Variants in DOK6 observed in about 807,000 individuals in gnomAD.
DOK6 encodes downstream of tyrosine kinase 6.
In DOK6, 22 loss-of-function variants were observed where a neutral mutation model predicts 44.0. The ratio of observed to expected loss-of-function variants is 0.50; its 90% CI spans 0.36 to 0.71. DOK6 has a LOEUF of 0.71. DOK6 is among the 30% of genes least tolerant of loss of function. The pLI is 0.00. For missense variants in DOK6, 340 were observed against 416.4 expected (o/e 0.82, Z 1.60); for synonymous variants, 166 against 145.5 (o/e 1.14, Z -1.01).
At position 69,557,529 on chromosome 18, in the gene DOK6, G is replaced by A. The variant is rs75556029; in HGVS notation, c.67-6958G>A. On this transcript the variant is annotated intron_variant, in intron 1 of 7. Coordinates refer to ENST00000382713, the MANE Select transcript of DOK6 (RefSeq NM_152721.6). The stretch of plus-strand genomic sequence containing the variant: ...CTATGCGGTAAAATGGTTTTCATCA[G>A]ATGGAAGGGGATTAAGAAGGTATTT... Among the ~76,000 whole-genome samples the A allele has an allele frequency of 7.3e-3, 1,112 of 152,250 alleles. 24 individuals are homozygous for A. Among genetic ancestry groups the A allele is most frequent in the East Asian group, 0.068 (352 of 5,176 alleles).
intron 1 of DOK6, among the ~76,000 whole-genome samples, chr18:69,514,687 C>G (rs1981466860): frequency 6.6e-6 from 1 of 150,848 alleles, no homozygotes; most frequent in Non-Finnish European, 1.5e-5. Flanking sequence ...CCACATCTTT[C>G]ATCTAAACAA....
At chr18:69,593,503 GA>G (rs1983669282) in intron 2 of DOK6, among the ~76,000 whole-genome samples, 1 of 152,104 alleles carries the variant, frequency 6.6e-6, no homozygotes. Context: ...GATCAACAAT[GA>G]AAAACCTTGC....
chr18:69,433,958 C>T (rs1978877729), intron 1 of DOK6, among the ~76,000 whole-genome samples: 1 of 152,188 alleles, frequency 6.6e-6, no homozygotes, highest in Non-Finnish European at 1.5e-5. Context: ...ACTACATGTA[C>T]TAACTTTATA....
chr18:69,758,851 G>GT (rs1979447117), intron 7 of DOK6, among the ~76,000 whole-genome samples: 1 of 152,116 alleles, frequency 6.6e-6, no homozygotes, highest in South Asian at 2.1e-4. Flanking sequence ...TAACAATGCT[G>GT]TAAGTTTTGA....
intron 1 of DOK6, among the ~76,000 whole-genome samples, chr18:69,538,814 T>TTCC (rs980247381): frequency 3.9e-5 from 6 of 152,082 alleles, no homozygotes; most frequent in African/African-American, 1.4e-4. Context: ...AATGTCAACC[T>TTCC]TCCTCCTCCT....
At chr18:69,754,972 G>A (rs764588283) in intron 6 of DOK6, among the ~76,000 whole-genome samples, 1 of 152,126 alleles carries the variant, frequency 6.6e-6, no homozygotes, top group Non-Finnish European at 1.5e-5. Context: ...TTAGACATCT[G>A]AGAAATGGGG....
chr18:69,788,120 A>C (rs1382638007), intron 7 of DOK6, among the ~76,000 whole-genome samples: 1 of 152,148 alleles, frequency 6.6e-6, no homozygotes, highest in East Asian at 1.9e-4. Flanking sequence ...CAAGTCTCCA[A>C]ACATCTGTAC....
chr18:69,617,904 G>T (rs1181936715), intron 3 of DOK6, among the ~76,000 whole-genome samples: 1 of 152,178 alleles, frequency 6.6e-6, no homozygotes, highest in South Asian at 2.1e-4. Context: ...TTATGCAGAA[G>T]TAAAGTGTTT....
intron 2 of DOK6, among the ~76,000 whole-genome samples, chr18:69,585,763 A>G (rs529146049): frequency 1.3e-5 from 2 of 152,362 alleles, no homozygotes; most frequent in South Asian, 2.1e-4. Context: ...TGGGTTGTCC[A>G]TGATTTGAAC....
chr18:69,474,424 C>T (rs1349470895), intron 1 of DOK6, among the ~76,000 whole-genome samples: 1 of 152,152 alleles, frequency 6.6e-6, no homozygotes, highest in Non-Finnish European at 1.5e-5. Flanking sequence ...AGTTATGAGG[C>T]AAACTCTTGC....
At chr18:69,641,164 G>A (rs190669396) in intron 3 of DOK6, among the ~76,000 whole-genome samples, 249 of 151,370 alleles carry the variant, frequency 1.6e-3, no homozygotes, top group African/African-American at 5.8e-3. Context: ...GCAGTGAGCC[G>A]AGATCATGCT....
At chr18:69,549,235 A>G (rs1599186147) in intron 1 of DOK6, among the ~76,000 whole-genome samples, 1 of 151,654 alleles carries the variant, frequency 6.6e-6, no homozygotes, top group Admixed American at 6.6e-5. Context: ...GCCAAAATGC[A>G]TGAAATTTTT....
At chr18:69,557,723 T>C (rs539777383) in intron 1 of DOK6, among the ~76,000 whole-genome samples, 39 of 152,176 alleles carry the variant, frequency 2.6e-4, no homozygotes, top group African/African-American at 8.7e-4. Context: ...GTTTAGGAGA[T>C]AGTTTTGAAT....
At chr18:69,434,740 GGTGAAACC>G (rs1978901787) in intron 1 of DOK6, among the ~76,000 whole-genome samples, 1 of 148,738 alleles carries the variant, frequency 6.7e-6, no homozygotes, top group Non-Finnish European at 1.5e-5. Context: ...TGGCCGACAT[GGTGAAACC>G]CTGTTTCTAC....
chr18:69,474,578 A>G (rs538727636), intron 1 of DOK6, among the ~76,000 whole-genome samples: 189 of 152,348 alleles, frequency 1.2e-3, no homozygotes, highest in Non-Finnish European at 2.3e-3. Context: ...ATGTATTCCA[A>G]AGGCCCATTC....
chr18:69,620,706 CAAT>C (rs1376624378), intron 3 of DOK6, among the ~76,000 whole-genome samples: 1 of 152,080 alleles, frequency 6.6e-6, no homozygotes, highest in East Asian at 1.9e-4. Flanking sequence ...GATTATATGT[CAAT>C]AATGAATAAT....
intron 1 of DOK6, among the ~76,000 whole-genome samples, chr18:69,550,648 T>C (rs912005149): frequency 3.9e-5 from 6 of 152,080 alleles, no homozygotes; most frequent in Admixed American, 1.3e-4. Flanking sequence ...AATTATGAAG[T>C]GTATGGAGAG....
chr18:69,785,004 C>CTA (rs1980388110), intron 7 of DOK6, among the ~76,000 whole-genome samples: 1 of 152,122 alleles, frequency 6.6e-6, no homozygotes, highest in Non-Finnish European at 1.5e-5. Context: ...TAATCTCATG[C>CTA]TATATGCTAT....
At chr18:69,813,016 T>C (rs908331774) in intron 7 of DOK6, among the ~76,000 whole-genome samples, 1 of 152,060 alleles carries the variant, frequency 6.6e-6, no homozygotes, top group African/African-American at 2.4e-5. Context: ...AAAAAATAAA[T>C]TGCAAGATAC....
Sources: gnomAD v4.1 joint callset for allele counts (sites outside exome capture counted in the v4.1 genomes callset) on GRCh38, gnomAD v4.1.1 for gene constraint, MANE v1.5 for transcripts, NCBI Gene and HGNC (gene_info 2026-07-23, HGNC 2026-07-21) for gene names.